The following CHPT1 variants were observed in gnomAD, a reference collection of about 807,000 sequenced individuals.
CHPT1 encodes choline phosphotransferase 1, also known as cholinephosphotransferase 1.
Under a neutral mutation model 47.6 loss-of-function variants are expected in CHPT1, and 36 were observed. That is an observed-to-expected ratio of 0.76 (90% CI 0.58 to 1.00). CHPT1 has a LOEUF of 1.00. Ranked by LOEUF, CHPT1 falls within the 50% of genes least tolerant of loss-of-function variation. The pLI is 0.00. For synonymous variants in CHPT1, 194 were observed against 186.3 expected, an observed-to-expected ratio of 1.04 and a Z score of -0.33; for missense variants, 458 against 498.1, an observed-to-expected ratio of 0.92 and a Z score of 0.77.
intron 7 of CHPT1, among the ~76,000 whole-genome samples, chr12:101,725,571 G>C (rs1951929493): frequency 6.6e-6 from 1 of 151,530 alleles, no homozygotes; most frequent in African/African-American, 2.4e-5. Context: ...GATGGAGACT[G>C]GTAAACTGAG....
chr12:101,711,698 C>T (rs1318847532), intron 1 of CHPT1, among the ~76,000 whole-genome samples: 1 of 148,668 alleles, frequency 6.7e-6, no homozygotes, highest in African/African-American at 2.4e-5. Flanking sequence ...AAATGGGTAA[C>T]TATGTGAGAT....
chr12:101,714,101 G>A lies in CHPT1; in HGVS notation c.285G>A (p.Trp95Ter). ...TACATTTTTTATAGGCACCATACTG[G>A]ACATACCTTTTATGTGCACTGGGAC... ...CPTATEEAPY[W>*]TYLLCALGLF... The change falls in exon 2 of 9, where the codon TGG (tryptophan) becomes TGA (stop). Residue 95 changes from tryptophan (W) to a stop codon, truncating the protein, a stop_gained. Coordinates refer to ENST00000229266, the MANE Select transcript of CHPT1 (RefSeq NM_020244.3). LOFTEE classifies it high-confidence loss of function. 6.2e-7 allele frequency: 1 copy of A among 1,604,278 alleles called. No homozygotes were observed. The highest frequency in any genetic ancestry group is 8.5e-7 in the Non-Finnish European group (1 of 1,173,058).
At chr12:101,726,630 C>T (rs143643271) in intron 8 of CHPT1, 1 of 541,922 alleles carries the variant, frequency 1.8e-6, no homozygotes, top group Non-Finnish European at 3.0e-6. Context: ...GAATTGTCTA[C>T]ATATTAATTA....
intron 1 of CHPT1, among the ~76,000 whole-genome samples, chr12:101,705,237 G>A (rs112054913): frequency 0.11 from 11,118 of 102,052 alleles, 678 homozygotes; most frequent in Middle Eastern, 0.15. Context: ...CTAATTTTGT[G>A]TTTTTAGTAG....
chr12:101,702,209 C>T (rs1387469667), intron 1 of CHPT1, among the ~76,000 whole-genome samples: 1 of 152,208 alleles, frequency 6.6e-6, no homozygotes, highest in Admixed American at 6.5e-5. Context: ...CTACTAACTC[C>T]ATGCACTTGT....
chr12:101,728,791 G>T (rs1952046067), intron 8 of CHPT1, 110 bp from the exon 9 acceptor site: 5 of 1,243,612 alleles, frequency 4.0e-6, no homozygotes, highest in Non-Finnish European at 5.7e-6. Flanking sequence ...TAACAGAAAG[G>T]GAGGTCTTAC....
At chr12:101,728,525 G>A (rs1317827947) in intron 8 of CHPT1, 2 of 176,908 alleles carry the variant, frequency 1.1e-5, no homozygotes, top group Non-Finnish European at 2.4e-5. Flanking sequence ...TACAACTTAA[G>A]TATATAGAAA....
In CHPT1 at chr12:101,728,960, A is replaced by G. The variant is rs1201241685; in HGVS notation, c.*15A>G. The G allele has an allele frequency of 1.9e-6, 3 of 1,613,574 alleles. No homozygotes were observed. Among genetic ancestry groups the G allele is most frequent in the Non-Finnish European group, 2.5e-6 (3 of 1,179,718 alleles). On this transcript the variant is annotated 3_prime_UTR_variant, in exon 9 of 9. Coordinates refer to ENST00000229266, the MANE Select transcript of CHPT1 (RefSeq NM_020244.3). ...ACATGGATTGAAGAGACTTCCGAAC[A>G]CTTGCTATCTCTTGCTGCTGCTGTT... is the stretch of plus-strand genomic sequence containing the variant.
chr12:101,727,841 T>C (rs1951999943), intron 8 of CHPT1: 1 of 152,168 alleles, frequency 6.6e-6, no homozygotes, highest in Admixed American at 6.5e-5. Context: ...TACAAGTAGG[T>C]TGTCACAATT....
chr12:101,727,801 C>T (rs1007318017), intron 8 of CHPT1: 6 of 152,070 alleles, frequency 3.9e-5, no homozygotes, highest in Admixed American at 2.6e-4. Flanking sequence ...GTCAAATATT[C>T]GTTAATGGTG....
At chr12:101,701,820 C>A (rs1312021141) in intron 1 of CHPT1, among the ~76,000 whole-genome samples, 1 of 152,146 alleles carries the variant, frequency 6.6e-6, no homozygotes, top group Admixed American at 6.5e-5. Context: ...AAATTATTGG[C>A]TGCAGGAATG....
chr12:101,714,145 T>C lies in CHPT1; in HGVS notation c.329T>C (p.Leu110Pro). 6.2e-7 allele frequency: 1 copy of C among 1,611,560 alleles called. No homozygotes were observed. Among genetic ancestry groups the C allele is most frequent in the Non-Finnish European group, 8.5e-7 (1 of 1,177,710 alleles). Residue 110 changes from leucine to proline, a missense_variant, in exon 2 of 9, where the codon CTG (leucine) becomes CCG (proline). By Grantham distance (98) the Leu-to-Pro change is moderately conservative. Coordinates refer to ENST00000229266, the MANE Select transcript of CHPT1 (RefSeq NM_020244.3). ...CTGGGACTTTTTATTTACCAGTCAC[T>C]GGATGCTATTGATGGGAAACAAGCC... Reference protein sequence around the residue: ...CALGLFIYQSLDAIDGKQARR... With the variant: ...CALGLFIYQSPDAIDGKQARR...
intron 2 of CHPT1, 119 bp downstream of exon 2, chr12:101,714,356 A>C (rs1951734709): frequency 8.4e-7 from 1 of 1,189,328 alleles, no homozygotes; most frequent in Non-Finnish European, 1.2e-6. Context: ...GTTGTTTAAA[A>C]AGTATGTCAA....
intron 1 of CHPT1, 22 bp from the exon 2 acceptor site, chr12:101,714,068 A>G (rs756228377): frequency 1.4e-5 from 21 of 1,544,750 alleles, no homozygotes; most frequent in Non-Finnish European, 1.9e-5. Context: ...AACAATCTTT[A>G]TTTTATTTAC....
At chr12:101,728,590 C>T (rs1952036049) in intron 8 of CHPT1, 3 of 234,946 alleles carry the variant, frequency 1.3e-5, no homozygotes, top group Non-Finnish European at 2.5e-5. Flanking sequence ...AAGAACATAA[C>T]CTTCTATACT....
At chr12:101,698,801 A>T (rs1164282706) in intron 1 of CHPT1, among the ~76,000 whole-genome samples, 1 of 152,212 alleles carries the variant, frequency 6.6e-6, no homozygotes, top group Non-Finnish European at 1.5e-5. Context: ...TGTACAAAAT[A>T]AGGAGTAAAT....
At chr12:101,723,368 G>C in intron 6 of CHPT1, 42 bp downstream of exon 6, 1 of 1,177,720 alleles carries the variant, frequency 8.5e-7, no homozygotes. Flanking sequence ...AATATACTTA[G>C]TCGTCAAACA....
chr12:101,722,670 A>G (rs1300459687), intron 5 of CHPT1, among the ~76,000 whole-genome samples: 1 of 150,512 alleles, frequency 6.6e-6, no homozygotes, highest in African/African-American at 2.5e-5. Flanking sequence ...CCTGGGCAAC[A>G]TGGGGAAACC....
chr12:101,710,432 C>T (rs1212315071), intron 1 of CHPT1, among the ~76,000 whole-genome samples: 1 of 149,022 alleles, frequency 6.7e-6, no homozygotes, highest in Non-Finnish European at 1.5e-5. Flanking sequence ...TTGTAAATTA[C>T]CTGTTCCAGG....
Sources: allele counts gnomAD v4.1 joint callset (sites outside exome capture counted in the v4.1 genomes callset), GRCh38; gene constraint gnomAD v4.1.1; transcripts MANE v1.5; gene names NCBI Gene and HGNC (gene_info 2026-07-23, HGNC 2026-07-21).